Variants in SPOCK1 observed in about 807,000 individuals in gnomAD.
SPOCK1 encodes testican-1.
Under a neutral mutation model 55.3 loss-of-function variants are expected in SPOCK1, and 23 were observed. The observed-to-expected ratio is 0.42, with a 90% CI of 0.30 to 0.59. SPOCK1 has a LOEUF of 0.59. SPOCK1 is among the 20% of genes least tolerant of loss of function. The probability of loss-of-function intolerance (pLI) is 0.22; values close to 1 mark genes in which losing one functional copy is unlikely to be tolerated. For synonymous variants in SPOCK1, 226 were observed against 221.0 expected (o/e 1.02, Z -0.20); for missense variants, 499 against 552.5 (o/e 0.90, Z 0.97).
At chr5:137,283,349 G>T (rs958101105) in intron 2 of SPOCK1, among the ~76,000 whole-genome samples, 2 of 152,166 alleles carry the variant, frequency 1.3e-5, no homozygotes, top group Non-Finnish European at 2.9e-5. Context: ...TTCTACTAGG[G>T]TGTCTGCCTC....
intron 2 of SPOCK1, among the ~76,000 whole-genome samples, chr5:137,418,702 C>T (rs1299780316): frequency 1.3e-5 from 2 of 152,006 alleles, no homozygotes; most frequent in African/African-American, 2.4e-5. Context: ...TGGATATTAG[C>T]CCTTTGTCAG....
intron 9 of SPOCK1, among the ~76,000 whole-genome samples, chr5:136,979,991 A>C (rs939113619): frequency 1.3e-5 from 2 of 152,228 alleles, no homozygotes; most frequent in Non-Finnish European, 2.9e-5. Flanking sequence ...CTTGGTTCTG[A>C]CTAGTAACAA....
At chr5:137,204,004 T>C (rs539854923) in intron 3 of SPOCK1, among the ~76,000 whole-genome samples, 2 of 151,970 alleles carry the variant, frequency 1.3e-5, no homozygotes, top group African/African-American at 2.4e-5. Context: ...CTCTGGATAG[T>C]GGATATGCGC....
At chr5:137,483,794 G>C (rs1753996506) in intron 2 of SPOCK1, among the ~76,000 whole-genome samples, 2 of 152,122 alleles carry the variant, frequency 1.3e-5, no homozygotes, top group African/African-American at 4.8e-5. Context: ...GTCTTCTGGG[G>C]CAAAATCTCC....
At chr5:137,180,395 C>T (rs1354163707) in intron 3 of SPOCK1, among the ~76,000 whole-genome samples, 1 of 152,110 alleles carries the variant, frequency 6.6e-6, no homozygotes, top group East Asian at 1.9e-4. Flanking sequence ...AGAAGAGATA[C>T]TTGACTCTCT....
chr5:137,371,601 A>G (rs1269060181), intron 2 of SPOCK1, among the ~76,000 whole-genome samples: 7 of 152,214 alleles, frequency 4.6e-5, no homozygotes, highest in Admixed American at 4.6e-4. Context: ...CAAGGGGATG[A>G]GGATTACTTA....
chr5:137,491,556 G>T (rs895091054), intron 2 of SPOCK1, among the ~76,000 whole-genome samples: 1 of 152,138 alleles, frequency 6.6e-6, no homozygotes, highest in Non-Finnish European at 1.5e-5. Context: ...TGTGGTAAAG[G>T]TCTGAGGACA....
intron 3 of SPOCK1, among the ~76,000 whole-genome samples, chr5:137,246,929 T>C (rs541470094): frequency 1.2e-4 from 18 of 152,286 alleles, no homozygotes; most frequent in Non-Finnish European, 2.4e-4. Flanking sequence ...CGAAGCCCCA[T>C]CCCAGACCTG....
chr5:137,014,254 C>T (rs1751408143), intron 6 of SPOCK1, among the ~76,000 whole-genome samples: 1 of 152,150 alleles, frequency 6.6e-6, no homozygotes, highest in African/African-American at 2.4e-5. Context: ...AAAATGCTTT[C>T]TGAGGTCTCC....
In SPOCK1 at chr5:137,067,687, G is replaced by A. The variant is rs200083388; in HGVS notation, c.589+28C>T. The A allele has an allele frequency of 2.6e-5, 41 of 1,599,478 alleles. No individual in the cohort carries two copies. The East Asian group carries it at 7.1e-4, about 28-fold the overall frequency. On this transcript the variant is annotated intron_variant, in intron 6 of 10. Coordinates refer to ENST00000394945, the MANE Select transcript of SPOCK1 (RefSeq NM_004598.4). ...TCTGTGACCCCCCATTCCTGCCCAC[G>A]AATTCTCTGAAGGAAACCCTCACTC... is the stretch of plus-strand genomic sequence containing the variant.
At chr5:137,161,440 C>T (rs1180535677) in intron 3 of SPOCK1, among the ~76,000 whole-genome samples, 1 of 152,080 alleles carries the variant, frequency 6.6e-6, no homozygotes, top group Non-Finnish European at 1.5e-5. Context: ...GGCTGACTAC[C>T]TTGCCTGCCA....
chr5:137,039,270 C>T (rs1211861940), intron 6 of SPOCK1, among the ~76,000 whole-genome samples: 23 of 88,934 alleles, frequency 2.6e-4, no homozygotes, highest in East Asian at 3.9e-4. Flanking sequence ...GCCTGCCACA[C>T]TTTTTTTTTT....
At chr5:136,981,964 A>G (rs1750740482) in intron 9 of SPOCK1, among the ~76,000 whole-genome samples, 1 of 152,192 alleles carries the variant, frequency 6.6e-6, no homozygotes, top group Non-Finnish European at 1.5e-5. Context: ...ACATTATAAC[A>G]CCATATTTTC....
At chr5:137,387,826 C>T (rs1751627139) in intron 2 of SPOCK1, among the ~76,000 whole-genome samples, 1 of 151,736 alleles carries the variant, frequency 6.6e-6, no homozygotes, top group Non-Finnish European at 1.5e-5. Flanking sequence ...AATCTCTGTA[C>T]TTTCCTCTCA....
chr5:137,015,622 C>A (rs1302989539), intron 6 of SPOCK1, among the ~76,000 whole-genome samples: 2 of 152,272 alleles, frequency 1.3e-5, no homozygotes, highest in Admixed American at 6.5e-5. Flanking sequence ...ATGTTGTCAC[C>A]CTTTGACAGT....
chr5:137,095,426 T>C (rs981969109), intron 5 of SPOCK1, among the ~76,000 whole-genome samples: 2 of 152,298 alleles, frequency 1.3e-5, no homozygotes, highest in South Asian at 2.1e-4. Context: ...AGACCAAAAC[T>C]GTTTGGGCTC....
chr5:137,071,337 T>C (rs1196936396), intron 5 of SPOCK1, among the ~76,000 whole-genome samples: 1 of 152,120 alleles, frequency 6.6e-6, no homozygotes, highest in Non-Finnish European at 1.5e-5. Flanking sequence ...TATTTAGAGA[T>C]ACAGATACAT....
At chr5:137,319,359 T>C (rs561924856) in intron 2 of SPOCK1, among the ~76,000 whole-genome samples, 3 of 152,236 alleles carry the variant, frequency 2.0e-5, no homozygotes, top group Admixed American at 6.5e-5. Flanking sequence ...AAAGATCTAT[T>C]AATTTAAAAC....
At chr5:137,122,407 T>C (rs1421782660) in intron 4 of SPOCK1, among the ~76,000 whole-genome samples, 1 of 152,198 alleles carries the variant, frequency 6.6e-6, no homozygotes, top group African/African-American at 2.4e-5. Context: ...CTTAGGATAA[T>C]AGTTAGTGAT....
Sources: gnomAD v4.1 joint callset for allele counts (sites outside exome capture counted in the v4.1 genomes callset) on GRCh38, gnomAD v4.1.1 for gene constraint, MANE v1.5 for transcripts, NCBI Gene and HGNC (gene_info 2026-07-23, HGNC 2026-07-21) for gene names.